Variants in HDAC4 observed in about 807,000 individuals in gnomAD.
HDAC4 encodes the protein histone deacetylase 4.
In HDAC4, 16 loss-of-function variants were observed where a neutral mutation model predicts 135.1. That is an observed-to-expected ratio of 0.12 (90% confidence interval 0.08 to 0.18). The LOEUF (loss-of-function observed/expected upper bound fraction) is 0.18. Among genes scored for constraint, HDAC4 ranks in the 10% least tolerant of loss-of-function variants. The probability of loss-of-function intolerance (pLI) is 1.00; values close to 1 mark genes in which losing one functional copy is unlikely to be tolerated. For missense variants in HDAC4, 1,143 were observed against 1,511.8 expected (o/e 0.76, Z 4.05); for synonymous variants, 685 against 653.4 (o/e 1.05, Z -0.74).
intron 1 of HDAC4, among the ~76,000 whole-genome samples, chr2:239,373,577 C>T (rs1003558194): frequency 6.6e-6 from 1 of 152,112 alleles, no homozygotes; most frequent in Non-Finnish European, 1.5e-5. Flanking sequence ...GATTCTCTCA[C>T]CTCAGCCTCC....
chr2:239,162,377 G>A (rs756315399), intron 6 of HDAC4: 15 of 454,138 alleles, frequency 3.3e-5, no homozygotes, highest in Non-Finnish European at 5.8e-5. Flanking sequence ...TCCAGCTTGG[G>A]CCCCAGGGGC....
Position 239,262,192 on chromosome 2 carries a change from C to T in HDAC4, c.23-25528G>A, listed in dbSNP as rs187789320. 2.0e-5 allele frequency among the ~76,000 whole-genome samples: 3 copies of T among 152,324 alleles called. No individual in the cohort carries two copies. Among genetic ancestry groups the T allele is most frequent in the East Asian group, 1.9e-4 (1 of 5,176 alleles). On this transcript the variant is annotated intron_variant, in intron 2 of 26. Coordinates refer to ENST00000543185, the MANE Select transcript of HDAC4 (RefSeq NM_001378414.1). The surrounding 1 kb of genome is among the most constrained non-coding windows in gnomAD (Gnocchi z 4.1). ...ACTGAGACCCACGACAAGGTATCCA[C>T]GTGGCTTTTTATAAGCTAGTATTTC... is the stretch of plus-strand genomic sequence containing the variant.
At position 239,236,935 on chromosome 2, in the gene HDAC4, C is replaced by A. The variant is rs79236800; in HGVS notation, c.23-271G>T. Among the ~76,000 whole-genome samples the A allele has an allele frequency of 0.031, 4,782 of 152,286 alleles. 270 individuals carry two copies. Among genetic ancestry groups the A allele is most frequent in the African/African-American group, 0.11 (4,524 of 41,526 alleles). ...ATTTGGGTTTACTTCTGTTCAGCAA[C>A]CACATTATACCCACTCGTGCTGATC... is the stretch of plus-strand genomic sequence containing the variant. On this transcript the variant is annotated intron_variant, in intron 2 of 26. Coordinates refer to ENST00000543185, the MANE Select transcript of HDAC4 (RefSeq NM_001378414.1).
intron 9 of HDAC4, among the ~76,000 whole-genome samples, chr2:239,138,765 T>C (rs1331757137): frequency 1.3e-5 from 2 of 152,198 alleles, no homozygotes; most frequent in African/African-American, 4.8e-5. Context: ...CCTTGCTGCC[T>C]GCCTGGTTCT....
chr2:239,084,459 G>GCACACACACACA (rs1491342004), intron 19 of HDAC4, among the ~76,000 whole-genome samples: 2 of 73,180 alleles, frequency 2.7e-5, no homozygotes, highest in Admixed American at 1.8e-4. Context: ...TCACACGCGT[G>GCACACACACACA]CGCGCGCACA....
intron 3 of HDAC4, among the ~76,000 whole-genome samples, chr2:239,196,374 T>C (rs2045380823): frequency 6.6e-6 from 1 of 152,210 alleles, no homozygotes; most frequent in South Asian, 2.1e-4. Context: ...TCAAACCACA[T>C]GCACCCCCTA....
chr2:239,326,162 C>T (rs2053464130), intron 2 of HDAC4, among the ~76,000 whole-genome samples: 1 of 152,056 alleles, frequency 6.6e-6, no homozygotes, highest in Non-Finnish European at 1.5e-5. Flanking sequence ...GTGATGTATG[C>T]ACACAATGGA....
In HDAC4 at chr2:239,146,877, CCT is replaced by C. The variant is rs1360230742; in HGVS notation, c.734-2165_734-2164del. Among the ~76,000 whole-genome samples the C allele has an allele frequency of 2.6e-5, 4 of 152,234 alleles. No homozygotes were observed. The highest frequency in any genetic ancestry group is 7.2e-5 in the African/African-American group (3 of 41,514). On this transcript the variant is annotated intron_variant, in intron 7 of 26. Coordinates refer to ENST00000543185, the MANE Select transcript of HDAC4 (RefSeq NM_001378414.1). This position sits in a 1 kb window ranked among gnomAD's most constrained non-coding sequence, Gnocchi z 4.5. The stretch of plus-strand genomic sequence containing the variant: ...CTTCTGTCCCCTCACCTGTTTACCC[CCT>C]GCCTCCCAGCCTGCACACCTGCCTG...
At chr2:239,178,262 T>C (rs972164283) in intron 4 of HDAC4, among the ~76,000 whole-genome samples, 2 of 152,208 alleles carry the variant, frequency 1.3e-5, no homozygotes, top group Admixed American at 6.5e-5. Context: ...ACCAGTTGTC[T>C]CTTGTCCCAG....
rs142859642 is a variant in HDAC4 at position 239,240,504 on chromosome 2, G to A, written c.23-3840C>T. 2.0e-5 allele frequency among the ~76,000 whole-genome samples: 3 copies of A among 152,306 alleles called. No homozygotes were observed. In the East Asian group the frequency reaches 5.8e-4, roughly 29 times the overall value. ...CTAAGAACCCAGCGTTTACAAGCAGGAAAATAATGAAGATGGGAAGCAAAG... is the reference window on the plus strand; with the variant it reads ...CTAAGAACCCAGCGTTTACAAGCAGAAAAATAATGAAGATGGGAAGCAAAG... On this transcript the variant is annotated intron_variant, in intron 2 of 26. Transcript: ENST00000543185. The surrounding 1 kb of genome is among the most constrained non-coding windows in gnomAD (Gnocchi z 4.5).
At chr2:239,113,098 A>C (rs1447475888) in intron 13 of HDAC4, among the ~76,000 whole-genome samples, 1 of 152,160 alleles carries the variant, frequency 6.6e-6, no homozygotes, top group Non-Finnish European at 1.5e-5. Context: ...AACAAACAAA[A>C]AATTAGCCAG....
chr2:239,131,153 G>T (rs974142226), intron 11 of HDAC4, among the ~76,000 whole-genome samples: 1 of 152,242 alleles, frequency 6.6e-6, no homozygotes, highest in African/African-American at 2.4e-5. Flanking sequence ...GACTGGCGAG[G>T]AACTGCCCGG....
intron 24 of HDAC4, among the ~76,000 whole-genome samples, chr2:239,060,206 G>A (rs915783145): frequency 2.0e-5 from 3 of 152,230 alleles, no homozygotes; most frequent in Non-Finnish European, 2.9e-5. Flanking sequence ...GAGCCTTGGG[G>A]GACTGGCTCA....
chr2:239,112,661 G>A (rs941054485), intron 13 of HDAC4, among the ~76,000 whole-genome samples: 30 of 151,726 alleles, frequency 2.0e-4, no homozygotes, highest in African/African-American at 7.0e-4. Flanking sequence ...GAGCAGGGCA[G>A]AGATGAGGTC....
chr2:239,376,831 C>A (rs574750904), intron 1 of HDAC4, among the ~76,000 whole-genome samples: 1 of 152,086 alleles, frequency 6.6e-6, no homozygotes, highest in African/African-American at 2.4e-5. Context: ...GAACCAGACT[C>A]CCTGAGTAAG....
chr2:239,115,125 T>C lies in HDAC4; in HGVS notation c.1719A>G (p.Glu573=). Residue 573 remains glutamate (E), a synonymous_variant, in exon 13 of 27, where the codon GAA becomes GAG. Coordinates refer to ENST00000543185, the MANE Select transcript of HDAC4 (RefSeq NM_001378414.1). This position sits in a 1 kb window ranked among gnomAD's most constrained non-coding sequence, Gnocchi z 6.3. Reference sequence around the variant, plus strand: ...CCACCTCCCGTGGGGGCTCTGCCTCTTCCTCATCGCTCTCAATGGGCTCCT... The same window carrying C: ...CCACCTCCCGTGGGGGCTCTGCCTCCTCCTCATCGCTCTCAATGGGCTCCT... ...VKQEPIESDE[E]EAEPPREVEP... The C allele has an allele frequency of 3.1e-6, 5 of 1,611,942 alleles. No individual in the cohort carries two copies. The highest frequency in any genetic ancestry group is 4.2e-6 in the Non-Finnish European group (5 of 1,179,944).
intron 12 of HDAC4, among the ~76,000 whole-genome samples, chr2:239,116,727 T>C (rs1210414068): frequency 6.6e-6 from 1 of 152,198 alleles, no homozygotes; most frequent in Non-Finnish European, 1.5e-5. Context: ...CGTGTGGCCA[T>C]GTTGCCCCTG....
chr2:239,056,134 G>C (rs1480764237), intron 24 of HDAC4, among the ~76,000 whole-genome samples: 1 of 152,220 alleles, frequency 6.6e-6, no homozygotes, highest in African/African-American at 2.4e-5. Flanking sequence ...AACCACAGCA[G>C]GGCCTCTTTG....
chr2:239,166,606 C>A (rs893637665), intron 5 of HDAC4, among the ~76,000 whole-genome samples: 2 of 152,216 alleles, frequency 1.3e-5, no homozygotes, highest in Non-Finnish European at 2.9e-5. Context: ...GAAGATCACA[C>A]ACTTATGGAA....
Sources: gnomAD v4.1 joint callset for allele counts (sites outside exome capture counted in the v4.1 genomes callset) on GRCh38, gnomAD v4.1.1 for gene constraint, Gnocchi (gnomAD v3.1) non-coding constraint, MANE v1.5 for transcripts, NCBI Gene and HGNC (gene_info 2026-07-23, HGNC 2026-07-21) for gene names.